DNM2: variants seen among roughly 807,000 people sequenced by gnomAD.
DNM2 encodes dynamin-2.
DNM2 carries 15 observed loss-of-function variants against 99.0 expected under a neutral mutation model. The observed-to-expected ratio is 0.15, with a 90% CI of 0.10 to 0.23. The LOEUF (loss-of-function observed/expected upper bound fraction) is 0.23. Ranked by LOEUF, DNM2 falls within the 10% of genes least tolerant of loss-of-function variation. The probability of loss-of-function intolerance (pLI) is 1.00; values close to 1 mark genes in which losing one functional copy is unlikely to be tolerated. For synonymous variants in DNM2, 525 were observed against 481.2 expected (o/e 1.09, Z -1.19); for missense variants, 742 against 1,189.4 (o/e 0.62, Z 5.53).
intron 7 of DNM2, among the ~76,000 whole-genome samples, chr19:10,789,882 G>C (rs1202600576): frequency 6.6e-6 from 1 of 152,182 alleles, no homozygotes; most frequent in African/African-American, 2.4e-5. Context: ...AATACTACTT[G>C]TTAAGCCTAT....
At chr19:10,759,952 T>C in intron 2 of DNM2, 141 bp downstream of exon 2, 1 of 1,213,550 alleles carries the variant, frequency 8.2e-7, no homozygotes, top group South Asian at 1.2e-5. Context: ...TGTGAGGAAA[T>C]TGAAAAACGG....
intron 7 of DNM2, among the ~76,000 whole-genome samples, chr19:10,790,768 C>T (rs1201364845): frequency 2.0e-5 from 3 of 151,982 alleles, no homozygotes; most frequent in Non-Finnish European, 4.4e-5. Context: ...ATGCCCGGAC[C>T]TCATGTATTT....
intron 5 of DNM2, among the ~76,000 whole-genome samples, chr19:10,779,033 G>A (rs1168625135): frequency 6.6e-6 from 1 of 152,100 alleles, no homozygotes; most frequent in Non-Finnish European, 1.5e-5. Context: ...TGCTAACACA[G>A]TGAAATGTTG....
chr19:10,781,770 A>G (rs1325366358), intron 5 of DNM2: 1 of 152,120 alleles, frequency 6.6e-6, no homozygotes, highest in African/African-American at 2.4e-5. Flanking sequence ...ACCCCACAAA[A>G]CAAAAACCTA....
rs142828931 is a variant in DNM2, at chr19:10,818,511, C to A, written c.1672-1469C>A. ...GGCACACGGCCAGGAAAGGGCAGGGCTGGCATCACCTCAACCATGCTGAGC... is the reference window on the plus strand; with the variant it reads ...GGCACACGGCCAGGAAAGGGCAGGGATGGCATCACCTCAACCATGCTGAGC... On this transcript the variant is annotated intron_variant, in intron 15 of 20. Transcript: ENST00000389253. This position sits in a 1 kb window ranked among gnomAD's most constrained non-coding sequence, Gnocchi z 4.3. Among the ~76,000 whole-genome samples, 163 of 152,358 alleles carry A rather than the reference C, an allele frequency of 1.1e-3. No homozygotes were observed. The highest frequency in any genetic ancestry group is 1.9e-3 in the Non-Finnish European group (128 of 68,032).
At chr19:10,809,288 C>G (rs2072458449) in intron 14 of DNM2, 1 of 152,326 alleles carries the variant, frequency 6.6e-6, no homozygotes, top group Admixed American at 6.5e-5. Context: ...CTCTTGTCCT[C>G]CAGATAAATT....
rs1204802726 is a variant in DNM2, at chr19:10,811,298, G to T, written c.1558-966G>T. ...CCTGGTTCAGAATGTCAGGCCCGGG[G>T]TGGGTCGGGGTAGTCCGGATGAAGC... On this transcript the variant is annotated intron_variant, in intron 14 of 20. Coordinates refer to ENST00000389253, the MANE Select transcript of DNM2 (RefSeq NM_001005361.3). This position sits in a 1 kb window ranked among gnomAD's most constrained non-coding sequence, Gnocchi z 5.4. The T allele has an allele frequency of 5.3e-5, 10 of 189,290 alleles. No individual in the cohort carries two copies. Among genetic ancestry groups the T allele is most frequent in the Non-Finnish European group, 1.1e-5 (1 of 89,354 alleles). The allele number at this position is 189,290 out of a possible 1,614,324, so 11.7% of individuals were successfully genotyped here.
At chr19:10,729,168 A>AAG in intron 1 of DNM2, among the ~76,000 whole-genome samples, 1 of 117,562 alleles carries the variant, frequency 8.5e-6, no homozygotes, top group East Asian at 2.2e-4. Flanking sequence ...CCGTCTCAAA[A>AAG]AAAAAAAAAA....
intron 1 of DNM2, among the ~76,000 whole-genome samples, chr19:10,759,070 T>C (rs1376849827): frequency 6.6e-6 from 1 of 152,220 alleles, no homozygotes; most frequent in Non-Finnish European, 1.5e-5. Context: ...GCCTCTCTAG[T>C]AGCTGGGATC....
At chr19:10,738,315 A>G (rs1360343680) in intron 1 of DNM2, among the ~76,000 whole-genome samples, 3 of 152,204 alleles carry the variant, frequency 2.0e-5, no homozygotes, top group African/African-American at 4.8e-5. Context: ...CATTGAGATC[A>G]GTATCAAAGG....
rs753937980 is a variant in DNM2 at position 10,830,419 on chromosome 19, C to A, written c.2543+41C>A. 5 of 1,594,608 alleles carry A rather than the reference C, an allele frequency of 3.1e-6. No individual in the cohort carries two copies. Among genetic ancestry groups the A allele is most frequent in the Non-Finnish European group, 4.3e-6 (5 of 1,173,428 alleles). Reference sequence around the variant, plus strand: ...TGCCCTCCACCCCAACTGCCTGCACCCTGGGGTCTCTCCTCCTGTCTCACT... The same window carrying A: ...TGCCCTCCACCCCAACTGCCTGCACACTGGGGTCTCTCCTCCTGTCTCACT... On this transcript the variant is annotated intron_variant, in intron 20 of 20. Coordinates refer to ENST00000389253, the MANE Select transcript of DNM2 (RefSeq NM_001005361.3). The surrounding 1 kb of genome is among the most constrained non-coding windows in gnomAD (Gnocchi z 4.8).
At chr19:10,825,475 A>T (rs961519726) in intron 18 of DNM2, among the ~76,000 whole-genome samples, 2 of 151,924 alleles carry the variant, frequency 1.3e-5, no homozygotes, top group Admixed American at 1.3e-4. Context: ...TCGAGACTAG[A>T]CTGACCAACA....
intron 2 of DNM2, among the ~76,000 whole-genome samples, chr19:10,771,256 C>T (rs1182976706): frequency 6.6e-6 from 1 of 152,186 alleles, no homozygotes; most frequent in Non-Finnish European, 1.5e-5. Flanking sequence ...ATGAACATGC[C>T]TTATATTTGC....
At chr19:10,737,165 C>T (rs1177064701) in intron 1 of DNM2, among the ~76,000 whole-genome samples, 1 of 151,962 alleles carries the variant, frequency 6.6e-6, no homozygotes, top group Non-Finnish European at 1.5e-5. Flanking sequence ...TACTTGGAAT[C>T]CTCCCTGGCC....
At chr19:10,813,102 T>G (rs1441682526) in intron 15 of DNM2, among the ~76,000 whole-genome samples, 1 of 152,178 alleles carries the variant, frequency 6.6e-6, no homozygotes, top group East Asian at 1.9e-4. Flanking sequence ...GGCCTCAGTT[T>G]TTCTATCTGC....
intron 7 of DNM2, 86 bp from the exon 8 acceptor site, chr19:10,793,634 A>C: frequency 6.2e-7 from 1 of 1,612,586 alleles, no homozygotes; most frequent in Non-Finnish European, 8.5e-7. Context: ...GTAAAAGAAC[A>C]GTAAACCCTG....
intron 1 of DNM2, among the ~76,000 whole-genome samples, chr19:10,753,369 T>A (rs1192179876): frequency 6.6e-6 from 1 of 151,446 alleles, no homozygotes; most frequent in Non-Finnish European, 1.5e-5. Flanking sequence ...GACTTTCTTC[T>A]GTACCTTTTC....
At position 10,811,561 on chromosome 19, in the gene DNM2, T is replaced by C; in HGVS notation, c.1558-703T>C. ...CGTGCCTCCGTGTGCTTCCTGCAGC[T>C]CCCAGGGCCCTCGTCCTGAGTGGGG... On this transcript the variant is annotated intron_variant, in intron 14 of 20. Coordinates refer to ENST00000389253, the MANE Select transcript of DNM2 (RefSeq NM_001005361.3). The surrounding 1 kb of genome is among the most constrained non-coding windows in gnomAD (Gnocchi z 5.4). 2.6e-6 allele frequency: 1 copy of C among 385,946 alleles called. No homozygotes were observed. The highest frequency in any genetic ancestry group is 5.2e-6 in the Non-Finnish European group (1 of 192,280). 23.9% of individuals were successfully genotyped at this position (385,946 alleles called of 1,614,324 possible).
At chr19:10,771,475 A>AG (rs2070977552) in intron 2 of DNM2, among the ~76,000 whole-genome samples, 1 of 152,134 alleles carries the variant, frequency 6.6e-6, no homozygotes. Flanking sequence ...TTGAATAGTC[A>AG]GGGGGAGAAA....
Sources: gnomAD v4.1 joint callset for allele counts (sites outside exome capture counted in the v4.1 genomes callset) on GRCh38, gnomAD v4.1.1 for gene constraint, Gnocchi (gnomAD v3.1) non-coding constraint, MANE v1.5 for transcripts, NCBI Gene and HGNC (gene_info 2026-07-23, HGNC 2026-07-21) for gene names.